Variants in ADAM28 observed in about 807,000 individuals in gnomAD.
ADAM28 encodes ADAM metallopeptidase domain 28, also known as disintegrin and metalloproteinase domain-containing protein 28.
A neutral mutation model predicts 101.2 loss-of-function variants in ADAM28; 105 were observed. That is an observed-to-expected ratio of 1.04 (90% confidence interval 0.89 to 1.22). The LOEUF is 1.22. ADAM28 is among the 50% of genes most tolerant of loss of function. ADAM28 has a pLI of 0.00. For missense variants in ADAM28, 1,028 were observed against 945.4 expected, an observed-to-expected ratio of 1.09 and a Z score of -1.15; for synonymous variants, 322 against 310.6, an observed-to-expected ratio of 1.04 and a Z score of -0.39.
intron 6 of ADAM28, among the ~76,000 whole-genome samples, chr8:24,317,596 G>A (rs978615940): frequency 7.9e-5 from 12 of 151,940 alleles, no homozygotes; most frequent in Non-Finnish European, 5.9e-5. Context: ...AGAAAATAGA[G>A]GGGAAAAGCT....
chr8:24,337,076 A>G (rs1339613341), intron 14 of ADAM28, among the ~76,000 whole-genome samples: 1 of 152,236 alleles, frequency 6.6e-6, no homozygotes, highest in Non-Finnish European at 1.5e-5. Flanking sequence ...TGGGAAACAA[A>G]TAGACAAGAC....
intron 9 of ADAM28, among the ~76,000 whole-genome samples, chr8:24,326,004 A>AT (rs1812572665): frequency 1.3e-5 from 2 of 151,804 alleles, no homozygotes; most frequent in South Asian, 4.1e-4. Context: ...AAGACAAAAC[A>AT]TATTATCTAT....
rs574295924 is a variant in ADAM28, at chr8:24,329,984, G to A, written c.973-1G>A. The A allele has an allele frequency of 6.2e-7, 1 of 1,609,418 alleles. No homozygotes were observed. The highest frequency in any genetic ancestry group is 2.2e-5 in the East Asian group (1 of 44,678). ...ATCTTTTTCTTCTTTCATACCTTTA[G>A]GACCACAGCGATAATCTTCTTAGAG... On this transcript the variant is annotated splice_acceptor_variant, in intron 10 of 22. Coordinates refer to ENST00000265769, the MANE Select transcript of ADAM28 (RefSeq NM_014265.6). LOFTEE classifies it high-confidence loss of function.
intron 9 of ADAM28, among the ~76,000 whole-genome samples, chr8:24,325,884 A>C (rs1331629488): frequency 8.4e-6 from 1 of 119,612 alleles, no homozygotes; most frequent in Non-Finnish European, 1.9e-5. Flanking sequence ...AAAAAAAAAA[A>C]AAAAAAAAAA....
chr8:24,308,738 G>A, intron 2 of ADAM28: 2 of 455,934 alleles, frequency 4.4e-6, no homozygotes, highest in Non-Finnish European at 8.8e-6. Flanking sequence ...TGACAGCAGA[G>A]CAGACCTCAA....
chr8:24,321,682 C>G (rs1475754608), intron 8 of ADAM28, among the ~76,000 whole-genome samples: 7 of 151,784 alleles, frequency 4.6e-5, no homozygotes, highest in Non-Finnish European at 5.9e-5. Context: ...CATGTAATAC[C>G]CAGAACAACG....
intron 5 of ADAM28, 63 bp from the exon 6 acceptor site, chr8:24,313,325 A>G (rs1563279802): frequency 9.7e-6 from 14 of 1,440,538 alleles, no homozygotes; most frequent in Non-Finnish European, 1.3e-5. Flanking sequence ...TGGATCTTAT[A>G]AATCTGTATG....
intron 20 of ADAM28, among the ~76,000 whole-genome samples, chr8:24,351,746 AATAACATTGGTAATCATTT>A (rs1263337429): frequency 2.7e-4 from 7 of 25,552 alleles, no homozygotes; most frequent in African/African-American, 5.1e-4. Context: ...GAAGTTGGTT[AATAACATTGGTAATCATTT>A]ATAACATTGG....
At chr8:24,310,960 A>C (rs762178025) in intron 4 of ADAM28, among the ~76,000 whole-genome samples, 2 of 152,212 alleles carry the variant, frequency 1.3e-5, no homozygotes, top group Non-Finnish European at 2.9e-5. Flanking sequence ...CAAAAACCCA[A>C]TCTAAATAAC....
Position 24,358,076 on chromosome 8 carries a change from C to T in ADAM28, c.*3672C>T, listed in dbSNP as rs919072234. The T allele has an allele frequency of 1.3e-5, 2 of 149,896 alleles. No individual in the cohort carries two copies. The highest frequency in any genetic ancestry group is 1.5e-5 in the Non-Finnish European group (1 of 67,762). The allele number at this position is 149,896 out of a possible 1,614,324, so 9.3% of individuals were successfully genotyped here. On this transcript the variant is annotated 3_prime_UTR_variant, in exon 23 of 23. Transcript: ENST00000265769. ...TCCTATCAGTTTAATTTTATAAAGG[C>T]TAACCAATTAACTGTTTTTAACTTA... is the stretch of plus-strand genomic sequence containing the variant.
Position 24,313,584 on chromosome 8 carries a change from T to C in ADAM28, c.576+4T>C, listed in dbSNP as rs765675491. The C allele has an allele frequency of 9.4e-5, 152 of 1,612,104 alleles. No individual in the cohort carries two copies. The highest frequency in any genetic ancestry group is 1.2e-4 in the Non-Finnish European group (137 of 1,179,100). ...CCTACCTGCCACCAAACTAGTAGTATGTGTAACTTTATTTATTTGAAATGC... is the reference window on the plus strand; with the variant it reads ...CCTACCTGCCACCAAACTAGTAGTACGTGTAACTTTATTTATTTGAAATGC... On this transcript the variant is annotated splice_donor_region_variant and intron_variant, in intron 6 of 22. Coordinates refer to ENST00000265769, the MANE Select transcript of ADAM28 (RefSeq NM_014265.6).
rs1331662491 is a variant in ADAM28, at chr8:24,356,956, T to C, written c.*2552T>C. On this transcript the variant is annotated 3_prime_UTR_variant, in exon 23 of 23. Transcript: ENST00000265769. ...TTTAGTTGGTTGCAGTCAGAGAATA[T>C]GGAAAGGGTTATTATTATAATTAGG... The C allele has an allele frequency of 4.6e-5, 7 of 152,160 alleles. No individual in the cohort carries two copies. The highest frequency in any genetic ancestry group is 4.6e-4 in the Admixed American group (7 of 15,260). 9.4% of individuals were successfully genotyped at this position (152,160 alleles called of 1,614,324 possible).
chr8:24,353,285 G>C (rs4389948), intron 21 of ADAM28, among the ~76,000 whole-genome samples: 146,245 of 152,172 alleles, frequency 0.96, 70,505 homozygotes, highest in East Asian at 1. Flanking sequence ...ATGAAAAATG[G>C]GCCATATATA....
chr8:24,329,202 T>C (rs1378377821), intron 10 of ADAM28, among the ~76,000 whole-genome samples: 1 of 152,136 alleles, frequency 6.6e-6, no homozygotes, highest in Non-Finnish European at 1.5e-5. Flanking sequence ...TGTCTAGGTA[T>C]CAACTTCCCA....
Position 24,311,409 on chromosome 8 carries a change from G to A in ADAM28, c.355G>A (p.Ala119Thr), listed in dbSNP as rs779786372. Residue 119 changes from alanine to threonine, a missense_variant, in exon 5 of 23, where the codon GCT becomes ACT. By Grantham distance (58) the Ala-to-Thr change is moderately conservative. Coordinates refer to ENST00000265769, the MANE Select transcript of ADAM28 (RefSeq NM_014265.6). ...GHILNEKVSD[A>T]SISTCRGLRG... ...TATTCTTAATGAAAAGGTTTCTGAC[G>A]CTAGCATCAGCACATGTAGGGGTCT... 52 of 1,612,780 alleles carry A rather than the reference G, an allele frequency of 3.2e-5. No individual in the cohort carries two copies. Among genetic ancestry groups the A allele is most frequent in the Middle Eastern group, 1.6e-4 (1 of 6,062 alleles).
rs1394538745 is a variant in ADAM28 at position 24,357,147 on chromosome 8, C to T, written c.*2743C>T. Reference sequence around the variant, plus strand: ...CTTGGAATTTTAGATTCCTTCCCAGCTGAATCTTGACTTCAGCCTTGTGAG... The same window carrying T: ...CTTGGAATTTTAGATTCCTTCCCAGTTGAATCTTGACTTCAGCCTTGTGAG... On this transcript the variant is annotated 3_prime_UTR_variant, in exon 23 of 23. Transcript: ENST00000265769. 1 of 152,090 alleles carries T rather than the reference C, an allele frequency of 6.6e-6. No individual in the cohort carries two copies. 9.4% of individuals were successfully genotyped at this position (152,090 alleles called of 1,614,324 possible).
At chr8:24,331,095 C>T in intron 11 of ADAM28, 55 bp from the exon 12 acceptor site, 3 of 1,513,068 alleles carry the variant, frequency 2.0e-6, no homozygotes, top group Non-Finnish European at 1.8e-6. Context: ...TCAGATACTG[C>T]TTCGCACATG....
chr8:24,321,420 A>G, intron 8 of ADAM28, 131 bp downstream of exon 8: 1 of 770,512 alleles, frequency 1.3e-6, no homozygotes, highest in Non-Finnish European at 2.3e-6. Context: ...ACTGGCTCCC[A>G]AAGGATGACC....
In ADAM28 at chr8:24,299,980, C is replaced by A. The variant is rs779858610; in HGVS notation, c.53C>A (p.Ala18Asp). Residue 18 changes from alanine (A) to aspartate (D), a missense_variant, in exon 2 of 23, where the codon GCT (alanine) becomes GAT (aspartate). Physicochemically the swap from Ala to Asp is moderately radical, Grantham distance 126. Transcript: ENST00000265769. ...TCTTTTTCTTTTTTCTCAGTAAGTG[C>A]TATAAAAGAACTCCCTGGGGTGAAG... is the stretch of plus-strand genomic sequence containing the variant. ...VSLLLSVAVSAIKELPGVKKY... is the reference protein window; with the variant it reads ...VSLLLSVAVSDIKELPGVKKY... 5 of 1,610,608 alleles carry A rather than the reference C, an allele frequency of 3.1e-6. No homozygotes were observed. Among genetic ancestry groups the A allele is most frequent in the Non-Finnish European group, 4.2e-6 (5 of 1,179,332 alleles).
Sources: allele counts gnomAD v4.1 joint callset (sites outside exome capture counted in the v4.1 genomes callset), GRCh38; gene constraint gnomAD v4.1.1; transcripts MANE v1.5; gene names NCBI Gene and HGNC (gene_info 2026-07-23, HGNC 2026-07-21).